CCDC93: variants seen among roughly 807,000 people sequenced by gnomAD.
CCDC93 encodes CCC complex scaffolding subunit CCDC93.
A neutral mutation model predicts 108.2 loss-of-function variants in CCDC93; 61 were observed. The observed-to-expected ratio is 0.56, with a 90% CI of 0.46 to 0.70. CCDC93 has a LOEUF of 0.70. Ranked by LOEUF, CCDC93 falls within the 30% of genes least tolerant of loss-of-function variation. CCDC93 has a pLI of 0.00. For missense variants in CCDC93, 685 were observed against 764.2 expected (o/e 0.90, Z 1.22); for synonymous variants, 276 against 260.4 (o/e 1.06, Z -0.58).
chr2:117,953,447 T>C (rs1406781140), intron 12 of CCDC93, among the ~76,000 whole-genome samples: 1 of 152,176 alleles, frequency 6.6e-6, no homozygotes, highest in Non-Finnish European at 1.5e-5. Flanking sequence ...CAATGACAAC[T>C]TTTATTAGTC....
intron 11 of CCDC93, among the ~76,000 whole-genome samples, chr2:117,972,213 T>C (rs1361862922): frequency 6.6e-6 from 1 of 152,154 alleles, no homozygotes; most frequent in African/African-American, 2.4e-5. Context: ...ATCAACAGCA[T>C]ATATGTCCTT....
intron 13 of CCDC93, 61 bp from the exon 14 acceptor site, chr2:117,949,456 CCTT>C: frequency 8.2e-7 from 1 of 1,216,970 alleles, no homozygotes; most frequent in Non-Finnish European, 1.2e-6. Flanking sequence ...AACAACTTCA[CCTT>C]CTTTTTGTGA....
At chr2:117,927,380 C>G (rs530517683) in intron 23 of CCDC93, among the ~76,000 whole-genome samples, 2 of 152,284 alleles carry the variant, frequency 1.3e-5, no homozygotes, top group East Asian at 3.9e-4. Flanking sequence ...CCCACTGTCT[C>G]AGCCCAAAAT....
chr2:118,013,737 C>T (rs1424829455), intron 1 of CCDC93, among the ~76,000 whole-genome samples: 1 of 151,780 alleles, frequency 6.6e-6, no homozygotes, highest in Non-Finnish European at 1.5e-5. Context: ...CCGGGAGCGG[C>T]TTAAGTTTGT....
intron 6 of CCDC93, 89 bp from the exon 7 acceptor site, chr2:117,986,158 C>CTAT: frequency 5.7e-5 from 20 of 350,822 alleles, no homozygotes; most frequent in East Asian, 1.6e-4. Context: ...GGGGTATATT[C>CTAT]TCTTTTTTTT....
chr2:117,948,117 T>G lies in CCDC93; in HGVS notation c.1212A>C (p.Lys404Asn). The stretch of plus-strand genomic sequence containing the variant: ...AAACAACACTTACTCGACAATGTGC[T>G]TTAAATTCCTGTTCTTGACTTTTCA... ...ENLKSQEQEFKAHCREEMTRL... is the reference protein window; with the variant it reads ...ENLKSQEQEFNAHCREEMTRL... Residue 404 changes from lysine (K) to asparagine (N), a missense_variant, in exon 15 of 24, where the codon AAA (lysine) becomes AAC (asparagine). Lys to Asn is a moderately conservative substitution (Grantham distance 94, BLOSUM62 0). Transcript: ENST00000376300. 1 of 1,613,044 alleles carries G rather than the reference T, an allele frequency of 6.2e-7. No homozygotes were observed. The highest frequency in any genetic ancestry group is 2.2e-5 in the East Asian group (1 of 44,890).
intron 11 of CCDC93, among the ~76,000 whole-genome samples, chr2:117,964,234 A>G (rs1679483371): frequency 6.6e-6 from 1 of 152,186 alleles, no homozygotes; most frequent in African/African-American, 2.4e-5. Context: ...GTGGGAAAAG[A>G]CAAAGACTGT....
chr2:117,958,965 A>T (rs979032838), intron 11 of CCDC93, among the ~76,000 whole-genome samples: 3 of 152,232 alleles, frequency 2.0e-5, no homozygotes, highest in African/African-American at 7.2e-5. Flanking sequence ...ACTCCAATTT[A>T]ATCATTTCCT....
At position 117,958,508 on chromosome 2, in the gene CCDC93, A is replaced by G. The variant is rs1279700585; in HGVS notation, c.889-27T>C. ...TGTGGAAAAAAGGGATGGCAAATCC[A>G]AAGGATTTAGTTAGTTGACCTTGGT... On this transcript the variant is annotated intron_variant, in intron 11 of 23. Coordinates refer to ENST00000376300, the MANE Select transcript of CCDC93 (RefSeq NM_019044.5). The G allele has an allele frequency of 2.3e-6, 3 of 1,325,550 alleles. No homozygotes were observed. In the South Asian group the frequency reaches 3.5e-5, roughly 16 times the overall value. The allele number at this position is 1,325,550 out of a possible 1,614,324, so 82.1% of individuals were successfully genotyped here.
chr2:118,009,101 G>C (rs574201210), intron 1 of CCDC93: 1 of 154,600 alleles, frequency 6.5e-6, no homozygotes, highest in South Asian at 2.0e-4. Context: ...GCCGGCGTGG[G>C]GGCTCACACC....
At chr2:117,945,635 C>T (rs2104736071) in intron 16 of CCDC93, 53 bp from the exon 17 acceptor site, 1 of 1,515,962 alleles carries the variant, frequency 6.6e-7, no homozygotes, top group Admixed American at 1.7e-5. Flanking sequence ...GGGAATAAGA[C>T]AGAAGCCAAG....
intron 5 of CCDC93, 144 bp downstream of exon 5, chr2:117,996,120 G>C: frequency 1.9e-6 from 1 of 527,230 alleles, no homozygotes; most frequent in Non-Finnish European, 3.4e-6. Context: ...TTTGCACTCA[G>C]TGGCTATGTA....
chr2:117,996,424 A>T lies in CCDC93; in HGVS notation c.364-62T>A, dbSNP rs537726324. 54 of 1,141,194 alleles carry T rather than the reference A, an allele frequency of 4.7e-5. 1 individual carries two copies. In the South Asian group the frequency reaches 6.5e-4, roughly 14 times the overall value. 70.7% of individuals were successfully genotyped at this position (1,141,194 alleles called of 1,614,324 possible). On this transcript the variant is annotated intron_variant, in intron 4 of 23. Coordinates refer to ENST00000376300, the MANE Select transcript of CCDC93 (RefSeq NM_019044.5). ...ACAACATCCCACTGAAGTGAAGGCCAGTTCAGACATGGCCCAACTCATGAA... is the reference window on the plus strand; with the variant it reads ...ACAACATCCCACTGAAGTGAAGGCCTGTTCAGACATGGCCCAACTCATGAA...
chr2:117,994,514 G>A (rs1409221499), intron 6 of CCDC93, among the ~76,000 whole-genome samples: 1 of 152,072 alleles, frequency 6.6e-6, no homozygotes, highest in African/African-American at 2.4e-5. Context: ...CCAAATGATT[G>A]TTCTTTTCAG....
At chr2:117,969,503 T>C (rs1266299348) in intron 11 of CCDC93, among the ~76,000 whole-genome samples, 3 of 152,200 alleles carry the variant, frequency 2.0e-5, no homozygotes, top group Admixed American at 6.5e-5. Context: ...GTGGCAGTAC[T>C]GCCACACAAT....
At chr2:117,936,972 T>G (rs935096030) in intron 20 of CCDC93, 36 of 529,648 alleles carry the variant, frequency 6.8e-5, no homozygotes, top group Non-Finnish European at 2.4e-5. Flanking sequence ...CTACAGGGCA[T>G]TCCCACAGGA....
chr2:117,964,209 G>C (rs892624882), intron 11 of CCDC93, among the ~76,000 whole-genome samples: 1 of 152,098 alleles, frequency 6.6e-6, no homozygotes, highest in African/African-American at 2.4e-5. Context: ...GGGCACGGTG[G>C]TATGCACTGG....
chr2:117,946,612 C>T (rs1294757489), intron 16 of CCDC93, among the ~76,000 whole-genome samples, 199 bp downstream of exon 16: 1 of 152,200 alleles, frequency 6.6e-6, no homozygotes, highest in East Asian at 1.9e-4. Flanking sequence ...CTGCCTTCCA[C>T]ACCCTCTGCT....
rs2104739963 is a variant in CCDC93, at chr2:117,948,178, T to C, written c.1151A>G (p.Gln384Arg). Residue 384 changes from glutamine to arginine, a missense_variant, in exon 15 of 24, where the codon CAG becomes CGG. Gln to Arg is a conservative substitution (Grantham distance 43). Coordinates refer to ENST00000376300, the MANE Select transcript of CCDC93 (RefSeq NM_019044.5). ...CATGGCTACAAGTGCTCTCAGGTTC[T>C]GTAGGATACTGAAGAGAAAAGACAA... ...IESKADPSIL[Q>R]NLRALVAMNE... The C allele has an allele frequency of 6.2e-7, 1 of 1,612,254 alleles. No homozygotes were observed. Among genetic ancestry groups the C allele is most frequent in the East Asian group, 2.2e-5 (1 of 44,874 alleles).
Sources: gnomAD v4.1 joint callset for allele counts (sites outside exome capture counted in the v4.1 genomes callset) on GRCh38, gnomAD v4.1.1 for gene constraint, MANE v1.5 for transcripts, NCBI Gene and HGNC (gene_info 2026-07-23, HGNC 2026-07-21) for gene names.